VPS26A: variants seen among roughly 807,000 people sequenced by gnomAD.
VPS26A encodes the protein VPS26 retromer complex component A, also known as vacuolar protein sorting-associated protein 26A.
A neutral mutation model predicts 42.4 loss-of-function variants in VPS26A; 22 were observed. The observed-to-expected ratio is 0.52, with a 90% CI of 0.37 to 0.74. VPS26A has a LOEUF of 0.74. VPS26A is among the 30% of genes least tolerant of loss of function. The pLI is 0.00. For synonymous variants in VPS26A, 110 were observed against 123.5 expected (o/e 0.89, Z 0.73); for missense variants, 276 against 379.2 (o/e 0.73, Z 2.26).
At chr10:69,129,701 G>A (rs1382899356) in intron 1 of VPS26A, among the ~76,000 whole-genome samples, 1 of 151,916 alleles carries the variant, frequency 6.6e-6, no homozygotes, top group Admixed American at 6.6e-5. Context: ...TTTTTTGTAT[G>A]TTTAGTAGAG....
rs139491101 is a variant in VPS26A at position 69,127,518 on chromosome 10, A to C, written c.3+3238A>C. ...CAGTGAGCCGAGCTAGCGCCACTGCACTCCGGCCTGGGCGAAAGAGCGAGA... is the reference window on the plus strand; with the variant it reads ...CAGTGAGCCGAGCTAGCGCCACTGCCCTCCGGCCTGGGCGAAAGAGCGAGA... On this transcript the variant is annotated intron_variant, in intron 1 of 8. Transcript: ENST00000263559. Among the ~76,000 whole-genome samples, 4 of 149,830 alleles carry C rather than the reference A, an allele frequency of 2.7e-5. No homozygotes were observed. In the Admixed American group the frequency reaches 2.7e-4, roughly 10 times the overall value.
intron 7 of VPS26A, among the ~76,000 whole-genome samples, chr10:69,167,834 T>C (rs771097558): frequency 1.1e-4 from 16 of 149,716 alleles, no homozygotes; most frequent in Non-Finnish European, 2.1e-4. Flanking sequence ...TTTTTGGTAA[T>C]AAAAGAATGT....
chr10:69,157,583 A>G (rs1024560717), intron 4 of VPS26A, among the ~76,000 whole-genome samples: 3 of 152,196 alleles, frequency 2.0e-5, no homozygotes, highest in Admixed American at 2.0e-4. Context: ...CTAAACTCTC[A>G]ATTCAGTGTC....
chr10:69,126,559 C>A (rs1215779224), intron 1 of VPS26A, among the ~76,000 whole-genome samples: 2 of 82,346 alleles, frequency 2.4e-5, no homozygotes, highest in African/African-American at 4.5e-5. Context: ...GAGTGAGACT[C>A]CGTCTCAAAA....
At chr10:69,170,842 CAAG>C (rs1379268443) in intron 8 of VPS26A, among the ~76,000 whole-genome samples, 1 of 152,102 alleles carries the variant, frequency 6.6e-6, no homozygotes, top group Non-Finnish European at 1.5e-5. Flanking sequence ...ATCTAAGTGA[CAAG>C]AACTTGAATT....
intron 2 of VPS26A, among the ~76,000 whole-genome samples, chr10:69,149,294 G>A (rs1446510478): frequency 1.3e-5 from 2 of 152,092 alleles, no homozygotes; most frequent in Non-Finnish European, 2.9e-5. Flanking sequence ...CACTTTTGTG[G>A]TCTTTTTTCC....
intron 1 of VPS26A, among the ~76,000 whole-genome samples, chr10:69,127,869 T>A (rs10762257): frequency 0.22 from 33,794 of 151,332 alleles, 4,027 homozygotes; most frequent in African/African-American, 0.25. Context: ...GCTAATTTTT[T>A]AAATTTTTGT....
intron 1 of VPS26A, among the ~76,000 whole-genome samples, chr10:69,124,611 G>A (rs1167172652): frequency 6.6e-6 from 1 of 152,204 alleles, no homozygotes; most frequent in Non-Finnish European, 1.5e-5. Context: ...CCCCTTCCTA[G>A]GTAGCCAGTC....
At chr10:69,164,153 G>A (rs887240890) in intron 6 of VPS26A, among the ~76,000 whole-genome samples, 25 of 151,500 alleles carry the variant, frequency 1.7e-4, no homozygotes, top group African/African-American at 5.8e-4. Context: ...CATATTCTTT[G>A]CCCCATTATC....
chr10:69,161,056 A>G lies in VPS26A; in HGVS notation c.552-1350A>G, dbSNP rs190250204. Among the ~76,000 whole-genome samples the G allele has an allele frequency of 9.2e-5, 14 of 152,180 alleles. No homozygotes were observed. The East Asian group carries it at 2.5e-3, about 27-fold the overall frequency. The stretch of plus-strand genomic sequence containing the variant: ...TCTTCATACACCAAATATTTCAAGT[A>G]TTTTTTGTGTGTGTTTGTTTTGAGA... On this transcript the variant is annotated intron_variant, in intron 5 of 8. Transcript: ENST00000263559.
chr10:69,155,826 T>C lies in VPS26A; in HGVS notation c.168T>C (p.Phe56=). The change falls in exon 3 of 9, where the codon TTT becomes TTC. Residue 56 remains phenylalanine (F), a synonymous_variant. Transcript: ENST00000263559. ...ESVSGKVNLA[F]KQPGKRLEHQ... is the part of the protein sequence containing the mutation. ...TGTTTTGGCAGGTAAACCTAGCCTT[T>C]AAGCAACCTGGAAAGAGGCTAGAAC... The C allele has an allele frequency of 1.2e-6, 2 of 1,612,362 alleles. No individual in the cohort carries two copies. Among genetic ancestry groups the C allele is most frequent in the Non-Finnish European group, 1.7e-6 (2 of 1,179,060 alleles).
intron 7 of VPS26A, 55 bp from the exon 8 acceptor site, chr10:69,168,434 T>C (rs1841741204): frequency 1.3e-6 from 2 of 1,569,264 alleles, no homozygotes; most frequent in Non-Finnish European, 1.7e-6. Flanking sequence ...TCCTACCTGT[T>C]ATGTGACTAT....
intron 2 of VPS26A, among the ~76,000 whole-genome samples, chr10:69,141,891 T>TC (rs1841047509): frequency 6.6e-6 from 1 of 152,014 alleles, no homozygotes; most frequent in Non-Finnish European, 1.5e-5. Context: ...CAATGATTCC[T>TC]CTTTTTTTTT....
chr10:69,126,399 C>T (rs1210218304), intron 1 of VPS26A, among the ~76,000 whole-genome samples: 1 of 152,044 alleles, frequency 6.6e-6, no homozygotes, highest in Non-Finnish European at 1.5e-5. Flanking sequence ...CATGGTGAAA[C>T]TCCGTCTCAA....
intron 5 of VPS26A, among the ~76,000 whole-genome samples, chr10:69,159,787 G>A (rs1039240776): frequency 6.6e-6 from 1 of 152,096 alleles, no homozygotes; most frequent in African/African-American, 2.4e-5. Context: ...TTGGCTCACA[G>A]ATATCTTTCT....
chr10:69,173,653 C>T lies in VPS26A; in HGVS notation c.*2384C>T, dbSNP rs7072314. 2.6e-5 allele frequency among the ~76,000 whole-genome samples: 4 copies of T among 152,150 alleles called. No homozygotes were observed. Among genetic ancestry groups the T allele is most frequent in the Non-Finnish European group, 2.9e-5 (2 of 68,022 alleles). ...CAACACTCTAGCTAGGATTGTAAAACGCACTCTGGCTAGCTGGAGGTTTGT... is the reference window on the plus strand; with the variant it reads ...CAACACTCTAGCTAGGATTGTAAAATGCACTCTGGCTAGCTGGAGGTTTGT... On this transcript the variant is annotated 3_prime_UTR_variant, in exon 9 of 9. Transcript: ENST00000263559.
At chr10:69,155,147 A>G (rs1407984256) in intron 2 of VPS26A, among the ~76,000 whole-genome samples, 6 of 3,272 alleles carry the variant, frequency 1.8e-3, no homozygotes, top group Non-Finnish European at 0.01. Flanking sequence ...CCTTTCTGGA[A>G]AAAAAAAAAA....
intron 2 of VPS26A, among the ~76,000 whole-genome samples, chr10:69,149,736 T>G (rs1228774322): frequency 1.3e-4 from 3 of 23,010 alleles, no homozygotes; most frequent in African/African-American, 3.2e-4. Flanking sequence ...TGTTTTTTGT[T>G]TTTTTTTTTT....
intron 7 of VPS26A, among the ~76,000 whole-genome samples, chr10:69,166,555 T>C (rs1841690554): frequency 6.6e-6 from 1 of 152,180 alleles, no homozygotes; most frequent in South Asian, 2.1e-4. Context: ...AAGCCAGTAT[T>C]TATCATTTTA....
Sources: gnomAD v4.1 joint callset for allele counts (sites outside exome capture counted in the v4.1 genomes callset) on GRCh38, gnomAD v4.1.1 for gene constraint, MANE v1.5 for transcripts, NCBI Gene and HGNC (gene_info 2026-07-23, HGNC 2026-07-21) for gene names.